Variants in COL27A1 observed in about 807,000 individuals in gnomAD.
The protein encoded by COL27A1 is collagen type XXVII alpha 1 chain.
COL27A1 carries 106 observed loss-of-function variants against 251.3 expected under a neutral mutation model. The ratio of observed to expected loss-of-function variants is 0.42; its 90% confidence interval spans 0.36 to 0.50. COL27A1 has a LOEUF of 0.50. COL27A1 is among the 20% of genes least tolerant of loss of function. COL27A1 has a pLI of 0.00. For synonymous variants in COL27A1, 1,000 were observed against 986.3 expected, an observed-to-expected ratio of 1.01 and a Z score of -0.26; for missense variants, 2,325 against 2,522.8, an observed-to-expected ratio of 0.92 and a Z score of 1.68.
intron 23 of COL27A1, among the ~76,000 whole-genome samples, chr9:114,244,911 C>T (rs1328523349): frequency 6.6e-6 from 1 of 152,038 alleles, no homozygotes; most frequent in South Asian, 2.1e-4. Context: ...CAGACAAGGC[C>T]GAGATAGGCC....
In COL27A1 at chr9:114,181,631, C is replaced by G. The variant is rs534980923; in HGVS notation, c.1963-1391C>G. ...CCAGATTATTCCTGCTAGACAAAAA[C>G]CCTCAAGTATTCCCCGGCTCTTAGG... is the stretch of plus-strand genomic sequence containing the variant. On this transcript the variant is annotated intron_variant, in intron 4 of 60. Transcript: ENST00000356083. Among the ~76,000 whole-genome samples the G allele has an allele frequency of 2.6e-5, 4 of 152,342 alleles. No individual in the cohort carries two copies. In the South Asian group the frequency reaches 8.3e-4, roughly 32 times the overall value.
rs146577694 is a variant in COL27A1 at position 114,181,237 on chromosome 9, C to T, written c.1963-1785C>T. 1.5e-3 allele frequency among the ~76,000 whole-genome samples: 231 copies of T among 152,228 alleles called. 1 individual carries two copies. The highest frequency in any genetic ancestry group is 3.4e-3 in the Middle Eastern group (1 of 294). On this transcript the variant is annotated intron_variant, in intron 4 of 60. Transcript: ENST00000356083. ...GATGCTTCCAGGTTCTGTCGCGTGC[C>T]AGGAGACAGTGTTTGGTGGACTGCA...
chr9:114,290,825 G>A lies in COL27A1; in HGVS notation c.4384G>A (p.Asp1462Asn), dbSNP rs1481554721. 7 of 1,549,810 alleles carry A rather than the reference G, an allele frequency of 4.5e-6. No individual in the cohort carries two copies. The highest frequency in any genetic ancestry group is 1.7e-4 in the Middle Eastern group (1 of 5,972). ...TTCTTAACAGGGGGAGCAGGGAGACGATGGGGACCCTGGCCCCATGGGCCC... is the reference window on the plus strand; with the variant it reads ...TTCTTAACAGGGGGAGCAGGGAGACAATGGGGACCCTGGCCCCATGGGCCC... ...QAGQQGEQGD[D>N]GDPGPMGPAG... Residue 1462 changes from aspartate to asparagine, a missense_variant, in exon 48 of 61, where the codon GAT (aspartate) becomes AAT (asparagine). Asp to Asn is a conservative substitution (Grantham distance 23). This residue lies in a region of COL27A1 where 153 missense variants were observed against 140.7 expected (regional missense o/e 1.09). Transcript: ENST00000356083. This position sits in a 1 kb window ranked among gnomAD's most constrained non-coding sequence, Gnocchi z 4.6.
intron 28 of COL27A1, among the ~76,000 whole-genome samples, chr9:114,260,109 A>T (rs941878071): frequency 1.2e-4 from 18 of 152,116 alleles, no homozygotes; most frequent in African/African-American, 4.3e-4. Flanking sequence ...GGTGAGCTGC[A>T]TGGGCCCAGG....
At chr9:114,180,802 T>C (rs142445541) in intron 4 of COL27A1, among the ~76,000 whole-genome samples, 262 of 152,250 alleles carry the variant, frequency 1.7e-3, no homozygotes, top group African/African-American at 5.5e-3. Flanking sequence ...ACTATGTGCC[T>C]CGTTTCTCTG....
At chr9:114,249,378 C>A (rs1034264553) in intron 24 of COL27A1, among the ~76,000 whole-genome samples, 1 of 152,284 alleles carries the variant, frequency 6.6e-6, no homozygotes, top group Non-Finnish European at 1.5e-5. Context: ...ACCCAGGGAA[C>A]CAGGGGCAGG....
At chr9:114,229,867 T>C (rs924424702) in intron 14 of COL27A1, among the ~76,000 whole-genome samples, 20 of 152,310 alleles carry the variant, frequency 1.3e-4, no homozygotes, top group Middle Eastern at 3.4e-3. Context: ...TTGGCACTAC[T>C]GACATTTGGG....
chr9:114,308,587 G>C (rs1420866268), intron 59 of COL27A1, among the ~76,000 whole-genome samples: 1 of 152,234 alleles, frequency 6.6e-6, no homozygotes, highest in Non-Finnish European at 1.5e-5. Context: ...CAGTCCAGCA[G>C]GGACTTGGTG....
In COL27A1 at chr9:114,240,397, C is replaced by A. The variant is rs770293385; in HGVS notation, c.2782-37C>A. ...CAGCCTGCGATGGAGATGGAGGTACCGCCTCTGAGACTCCCTTTTTGTTCC... is the reference window on the plus strand; with the variant it reads ...CAGCCTGCGATGGAGATGGAGGTACAGCCTCTGAGACTCCCTTTTTGTTCC... On this transcript the variant is annotated intron_variant, in intron 20 of 60. Coordinates refer to ENST00000356083, the MANE Select transcript of COL27A1 (RefSeq NM_032888.4). The A allele has an allele frequency of 3.1e-6, 5 of 1,608,526 alleles. No individual in the cohort carries two copies. The African/African-American group carries it at 5.3e-5, about 17-fold the overall frequency.
intron 57 of COL27A1, among the ~76,000 whole-genome samples, chr9:114,305,366 A>G (rs1828962838): frequency 6.6e-6 from 1 of 152,150 alleles, no homozygotes; most frequent in African/African-American, 2.4e-5. Context: ...CAGTGGAAAG[A>G]GAGGGGAACA....
At chr9:114,203,358 A>C (rs1448580659) in intron 7 of COL27A1, among the ~76,000 whole-genome samples, 2 of 152,134 alleles carry the variant, frequency 1.3e-5, no homozygotes, top group Non-Finnish European at 2.9e-5. Context: ...CACACTTTCT[A>C]TCCTGCCATC....
chr9:114,297,964 A>C (rs1012401322), intron 49 of COL27A1, among the ~76,000 whole-genome samples: 8 of 152,186 alleles, frequency 5.3e-5, no homozygotes, highest in Non-Finnish European at 1.0e-4. Context: ...ATTTCCATTT[A>C]TAATAGCATC....
intron 27 of COL27A1, among the ~76,000 whole-genome samples, chr9:114,256,328 A>G (rs558170899): frequency 2.0e-5 from 3 of 152,162 alleles, no homozygotes; most frequent in Non-Finnish European, 4.4e-5. Flanking sequence ...CGTCTCTACT[A>G]AAAAACAGAA....
chr9:114,212,197 GACACCTAGACC>G (rs1830414083), intron 12 of COL27A1, among the ~76,000 whole-genome samples: 1 of 152,234 alleles, frequency 6.6e-6, no homozygotes, highest in Non-Finnish European at 1.5e-5. Flanking sequence ...TCCAACACCT[GACACCTAGACC>G]TGGGCAAGGA....
At chr9:114,209,767 C>A (rs1398478985) in intron 11 of COL27A1, 39 bp downstream of exon 11, 3 of 1,598,636 alleles carry the variant, frequency 1.9e-6, no homozygotes, top group South Asian at 2.2e-5. Context: ...TCCACAGCCA[C>A]CCCTGCCCAA....
chr9:114,167,517 C>T (rs558489150), intron 2 of COL27A1, among the ~76,000 whole-genome samples, 172 bp from the exon 3 acceptor site: 41 of 152,346 alleles, frequency 2.7e-4, no homozygotes, highest in Non-Finnish European at 4.4e-4. Context: ...ATAGTTCCAA[C>T]GCTGCCCTCT....
At chr9:114,261,372 G>C (rs991394380) in intron 28 of COL27A1, among the ~76,000 whole-genome samples, 1 of 152,240 alleles carries the variant, frequency 6.6e-6, no homozygotes, top group Non-Finnish European at 1.5e-5. Flanking sequence ...CAGGCGGGGC[G>C]GGGGTGGGCC....
intron 7 of COL27A1, among the ~76,000 whole-genome samples, chr9:114,196,249 G>GT (rs2135251300): frequency 6.6e-6 from 1 of 152,366 alleles, no homozygotes; most frequent in Admixed American, 6.5e-5. Flanking sequence ...AGCATAGGAA[G>GT]TATCCTTGGT....
chr9:114,201,752 G>A (rs985859646), intron 7 of COL27A1, among the ~76,000 whole-genome samples: 2 of 152,158 alleles, frequency 1.3e-5, no homozygotes, highest in Non-Finnish European at 2.9e-5. Context: ...AGGGTTTCAT[G>A]ACTGACCTCT....
Sources: allele counts gnomAD v4.1 joint callset (sites outside exome capture counted in the v4.1 genomes callset), GRCh38; gene constraint gnomAD v4.1.1; regional missense constraint gnomAD v4.1.1; non-coding constraint Gnocchi (gnomAD v3.1); transcripts MANE v1.5; gene names NCBI Gene and HGNC (gene_info 2026-07-23, HGNC 2026-07-21).